The following ABCC4 variants were observed in gnomAD, a reference collection of about 807,000 sequenced individuals.
ABCC4 encodes ATP-binding cassette sub-family C member 4.
Under a neutral mutation model 168.5 loss-of-function variants are expected in ABCC4, and 102 were observed. That is an observed-to-expected ratio of 0.61 (90% CI 0.52 to 0.71). ABCC4 has a LOEUF of 0.71. Ranked by LOEUF, ABCC4 falls within the 30% of genes least tolerant of loss-of-function variation. The pLI, the probability that ABCC4 is intolerant of heterozygous loss-of-function variation, is 0.00. For synonymous variants in ABCC4, 617 were observed against 590.7 expected (o/e 1.04, Z -0.65); for missense variants, 1,402 against 1,605.8 (o/e 0.87, Z 2.17).
intron 17 of ABCC4, 89 bp downstream of exon 17, chr13:95,163,521 T>C (rs2037166052): frequency 8.2e-7 from 1 of 1,217,846 alleles, no homozygotes; most frequent in South Asian, 1.3e-5. Context: ...AAGAGAAGGA[T>C]CAACAAACAC....
intron 8 of ABCC4, among the ~76,000 whole-genome samples, chr13:95,202,700 G>A (rs569339291): frequency 2.7e-5 from 4 of 147,702 alleles, no homozygotes; most frequent in East Asian, 4.0e-4. Context: ...CCAGGCTGGA[G>A]TGCAGTGGTG....
intron 1 of ABCC4, among the ~76,000 whole-genome samples, chr13:95,259,111 G>A (rs562956435): frequency 6.6e-6 from 1 of 152,086 alleles, no homozygotes; most frequent in African/African-American, 2.4e-5. Context: ...CCCCGGCTGG[G>A]CATGGTGGCT....
chr13:95,251,757 T>C (rs1268625362), intron 1 of ABCC4, among the ~76,000 whole-genome samples: 3 of 152,208 alleles, frequency 2.0e-5, no homozygotes, highest in African/African-American at 7.2e-5. Context: ...GCAGGTTGAA[T>C]GAAATCCCCT....
At chr13:95,164,851 C>A (rs946715316) in intron 15 of ABCC4, among the ~76,000 whole-genome samples, 11 of 152,018 alleles carry the variant, frequency 7.2e-5, no homozygotes, top group Admixed American at 2.0e-4. Context: ...CCTGCTACCA[C>A]GCCTGGCTAA....
chr13:95,061,921 G>A (rs2139286059), intron 26 of ABCC4, among the ~76,000 whole-genome samples: 1 of 152,262 alleles, frequency 6.6e-6, no homozygotes, highest in East Asian at 1.9e-4. Flanking sequence ...CCAAAGCAAT[G>A]ACAGGAGCTC....
chr13:95,272,048 A>AT (rs34933534), intron 1 of ABCC4, among the ~76,000 whole-genome samples: 50,111 of 148,336 alleles, frequency 0.34, 9,086 homozygotes, highest in African/African-American at 0.49. Flanking sequence ...TTAAGCACAT[A>AT]TTTTTTTTTT....
chr13:95,112,009 G>A (rs2035219956), intron 20 of ABCC4, among the ~76,000 whole-genome samples: 1 of 152,072 alleles, frequency 6.6e-6, no homozygotes, highest in South Asian at 2.1e-4. Context: ...CCAATAAAAC[G>A]ATCACCATCA....
chr13:95,145,934 G>A (rs542369296), intron 19 of ABCC4, among the ~76,000 whole-genome samples: 7 of 152,160 alleles, frequency 4.6e-5, no homozygotes, highest in Admixed American at 2.6e-4. Flanking sequence ...ACAACAGGCC[G>A]GGCACAGTGG....
At chr13:95,192,634 A>G (rs1041286383) in intron 9 of ABCC4, among the ~76,000 whole-genome samples, 2 of 152,122 alleles carry the variant, frequency 1.3e-5, no homozygotes, top group African/African-American at 4.8e-5. Flanking sequence ...GAAGTGTATT[A>G]GAGCTGGGCA....
chr13:95,282,199 G>T (rs2138920112), intron 1 of ABCC4, among the ~76,000 whole-genome samples: 1 of 152,074 alleles, frequency 6.6e-6, no homozygotes, highest in African/African-American at 2.4e-5. Context: ...CTAGAGATCA[G>T]GACTCCAACA....
At chr13:95,254,453 T>A (rs946901321) in intron 1 of ABCC4, among the ~76,000 whole-genome samples, 2 of 152,166 alleles carry the variant, frequency 1.3e-5, no homozygotes, top group African/African-American at 4.8e-5. Flanking sequence ...CACCTCCTCC[T>A]CTTGGGTGTC....
intron 14 of ABCC4, among the ~76,000 whole-genome samples, chr13:95,170,001 T>G (rs1461981847): frequency 6.6e-6 from 1 of 152,144 alleles, no homozygotes; most frequent in East Asian, 1.9e-4. Flanking sequence ...GGACTACAAG[T>G]GTGCACCATC....
intron 26 of ABCC4, among the ~76,000 whole-genome samples, chr13:95,059,065 CGT>C (rs2033184809): frequency 6.6e-6 from 1 of 152,196 alleles, no homozygotes; most frequent in Admixed American, 6.5e-5. Flanking sequence ...TGTTTCTGTG[CGT>C]GTGTGCGCAC....
intron 20 of ABCC4, among the ~76,000 whole-genome samples, chr13:95,099,600 C>T (rs544069723): frequency 2.4e-4 from 36 of 152,264 alleles, no homozygotes; most frequent in African/African-American, 8.2e-4. Context: ...AACCATAACG[C>T]TAAGAGATGA....
intron 13 of ABCC4, among the ~76,000 whole-genome samples, chr13:95,173,448 T>C (rs2037547536): frequency 6.6e-6 from 1 of 152,316 alleles, no homozygotes; most frequent in Non-Finnish European, 1.5e-5. Context: ...GTAGGATCTG[T>C]GTCTTTCATT....
chr13:95,131,311 C>A (rs1197254668), intron 19 of ABCC4, among the ~76,000 whole-genome samples: 3 of 152,130 alleles, frequency 2.0e-5, no homozygotes, highest in Admixed American at 2.0e-4. Flanking sequence ...CAGGCTCCAT[C>A]ACATGGGCGC....
chr13:95,188,681 A>G, intron 9 of ABCC4, 139 bp from the exon 10 acceptor site: 2 of 707,916 alleles, frequency 2.8e-6, no homozygotes, highest in Non-Finnish European at 2.3e-6. Context: ...AAGATATTGT[A>G]TCCTAGAGTC....
intron 7 of ABCC4, 80 bp from the exon 8 acceptor site, chr13:95,206,861 G>T: frequency 6.7e-7 from 1 of 1,483,794 alleles, no homozygotes. Flanking sequence ...TCAGCACTTT[G>T]GGAGCTGAGG....
chr13:95,252,048 G>A (rs889218385), intron 1 of ABCC4, among the ~76,000 whole-genome samples: 2 of 152,074 alleles, frequency 1.3e-5, no homozygotes, highest in African/African-American at 4.8e-5. Flanking sequence ...CACCCTGGGC[G>A]CTCAGATCTA....
Sources: gnomAD v4.1 joint callset for allele counts (sites outside exome capture counted in the v4.1 genomes callset) on GRCh38, gnomAD v4.1.1 for gene constraint, MANE v1.5 for transcripts, NCBI Gene and HGNC (gene_info 2026-07-23, HGNC 2026-07-21) for gene names.